ABCA1: variants seen among roughly 807,000 people sequenced by gnomAD.
ABCA1 encodes the protein phospholipid-transporting ATPase ABCA1.
In ABCA1, 133 loss-of-function variants were observed where a neutral mutation model predicts 262.5. The ratio of observed to expected loss-of-function variants is 0.51; its 90% CI spans 0.44 to 0.59. The LOEUF (loss-of-function observed/expected upper bound fraction) is 0.59. Ranked by LOEUF, ABCA1 falls within the 20% of genes least tolerant of loss-of-function variation. The pLI, the probability that ABCA1 is intolerant of heterozygous loss-of-function variation, is 0.00. For synonymous variants in ABCA1, 1,022 were observed against 1,043.5 expected (o/e 0.98, Z 0.40); for missense variants, 2,452 against 2,777.5 (o/e 0.88, Z 2.63).
chr9:104,894,450 G>T (rs1840030221), intron 2 of ABCA1, among the ~76,000 whole-genome samples: 1 of 152,186 alleles, frequency 6.6e-6, no homozygotes, highest in African/African-American at 2.4e-5. Context: ...AATTGATGAT[G>T]ATAATAATAA....
At chr9:104,888,098 G>A (rs1057138915) in intron 3 of ABCA1, among the ~76,000 whole-genome samples, 2 of 142,146 alleles carry the variant, frequency 1.4e-5, no homozygotes, top group African/African-American at 5.5e-5. Flanking sequence ...TGTTTAATAT[G>A]ACTATGTGTG....
chr9:104,914,021 G>C (rs901186772), intron 1 of ABCA1, among the ~76,000 whole-genome samples: 2 of 151,566 alleles, frequency 1.3e-5, no homozygotes, highest in African/African-American at 4.8e-5. Context: ...GGATGGTCTC[G>C]ATCTCCTGAC....
chr9:104,881,288 A>T (rs1273141775), intron 5 of ABCA1, among the ~76,000 whole-genome samples: 1 of 152,246 alleles, frequency 6.6e-6, no homozygotes, highest in Non-Finnish European at 1.5e-5. Flanking sequence ...AGGCAGAAGA[A>T]CAAGGCCAGG....
chr9:104,809,078 G>T (rs1485703571), intron 30 of ABCA1, among the ~76,000 whole-genome samples: 1 of 152,202 alleles, frequency 6.6e-6, no homozygotes, highest in Non-Finnish European at 1.5e-5. Flanking sequence ...GATTATAAAA[G>T]CGAAGAAGCT....
rs534719507 is a variant in ABCA1, at chr9:104,820,910, G to A, written c.2960+465C>T. ...TCTCCTAAAATCAAAGAACAACTAG[G>A]TCTCAAGGTGTTCACGGAGGTGAGC... On this transcript the variant is annotated intron_variant, in intron 20 of 49. Transcript: ENST00000374736. Among the ~76,000 whole-genome samples the A allele has an allele frequency of 3.7e-4, 56 of 152,232 alleles. 1 individual carries two copies. In the South Asian group the frequency reaches 0.011, roughly 30 times the overall value.
At chr9:104,882,318 G>C (rs1442159530) in intron 5 of ABCA1, among the ~76,000 whole-genome samples, 1 of 152,100 alleles carries the variant, frequency 6.6e-6, no homozygotes, top group Non-Finnish European at 1.5e-5. Flanking sequence ...CTTCATTATT[G>C]CTTCTACATT....
chr9:104,850,013 G>A (rs2119068116), intron 7 of ABCA1, among the ~76,000 whole-genome samples: 1 of 152,326 alleles, frequency 6.6e-6, no homozygotes, highest in Middle Eastern at 3.4e-3. Flanking sequence ...TGAAGAATGA[G>A]CTAGGGAAAC....
At position 104,861,705 on chromosome 9, in the gene ABCA1, G is replaced by A; in HGVS notation, c.517C>T (p.Leu173=). 6.2e-7 allele frequency: 1 copy of A among 1,614,132 alleles called. No homozygotes were observed. The highest frequency in any genetic ancestry group is 2.2e-5 in the East Asian group (1 of 44,870). Residue 173 remains leucine, a synonymous_variant, in exon 6 of 50, where the codon CTG becomes TTG. Coordinates refer to ENST00000374736, the MANE Select transcript of ABCA1 (RefSeq NM_005502.4). Reference sequence around the variant, plus strand: ...TTGTGGAGAATGACATCAGCCCTCAGCATCTTGTCCACAGTAGACTTTGGG... The same window carrying A: ...TTGTGGAGAATGACATCAGCCCTCAACATCTTGTCCACAGTAGACTTTGGG... ...SLPKSTVDKM[L]RADVILHKVF...
chr9:104,791,091 C>T (rs1322039131), intron 43 of ABCA1, 63 bp from the exon 44 acceptor site: 10 of 1,114,750 alleles, frequency 9.0e-6, no homozygotes, highest in African/African-American at 3.1e-5. Context: ...ATGCCCCTAA[C>T]ACGTAACTAC....
chr9:104,868,227 C>T (rs1445021897), intron 5 of ABCA1, among the ~76,000 whole-genome samples: 6 of 152,030 alleles, frequency 3.9e-5, no homozygotes, highest in South Asian at 2.1e-4. Flanking sequence ...GGTGTGGTGG[C>T]GCATGCCTGT....
intron 1 of ABCA1, among the ~76,000 whole-genome samples, chr9:104,924,749 T>C (rs1436625394): frequency 1.3e-5 from 2 of 152,228 alleles, no homozygotes; most frequent in African/African-American, 4.8e-5. Context: ...TCACTTATTC[T>C]AGCAGCTAAA....
At chr9:104,841,962 TCACA>T (rs1457561501) in intron 8 of ABCA1, among the ~76,000 whole-genome samples, 3 of 152,246 alleles carry the variant, frequency 2.0e-5, no homozygotes, top group African/African-American at 7.2e-5. Flanking sequence ...CACTGCGTGT[TCACA>T]CCGCCTGGGA....
intron 3 of ABCA1, among the ~76,000 whole-genome samples, chr9:104,887,517 G>T (rs1839285712): frequency 6.6e-6 from 1 of 152,074 alleles, no homozygotes. Context: ...TTGCCTGCTT[G>T]TAATCATTCC....
At chr9:104,906,669 G>A (rs570824228) in intron 1 of ABCA1, among the ~76,000 whole-genome samples, 7 of 151,216 alleles carry the variant, frequency 4.6e-5, no homozygotes, top group Admixed American at 2.0e-4. Flanking sequence ...GGCAATGCCC[G>A]GCCCCTTCTG....
In ABCA1 at chr9:104,800,544, A is replaced by T. The variant is rs1830241505; in HGVS notation, c.4739T>A (p.Phe1580Tyr). 1 of 1,614,044 alleles carries T rather than the reference A, an allele frequency of 6.2e-7. No individual in the cohort carries two copies. The highest frequency in any genetic ancestry group is 1.7e-5 in the Admixed American group (1 of 60,006). ...ADRFLNSLGR[F>Y]MTGLDTKNNV... Reference sequence around the variant, plus strand: ...ATTTTTGGTGTCCAGTCCTGTCATAAATCTTCCCAAGCTGTTGAGAAATCG... The same window carrying T: ...ATTTTTGGTGTCCAGTCCTGTCATATATCTTCCCAAGCTGTTGAGAAATCG... Residue 1580 changes from phenylalanine to tyrosine, a missense_variant, in exon 35 of 50, where the codon TTT becomes TAT. Around this residue, in one of 4 missense-constraint regions of ABCA1, gnomAD observed 752 missense variants for 944.5 expected, o/e 0.80. Transcript: ENST00000374736.
chr9:104,788,402 C>G lies in ABCA1; in HGVS notation c.6069+24G>C, dbSNP rs41422749. ...TTGTCAGGATGCCAAAGGAGACAGGCTGGCTTTCAGGTGCCCACAGTACCT... is the reference window on the plus strand; with the variant it reads ...TTGTCAGGATGCCAAAGGAGACAGGGTGGCTTTCAGGTGCCCACAGTACCT... On this transcript the variant is annotated intron_variant, in intron 45 of 49. Coordinates refer to ENST00000374736, the MANE Select transcript of ABCA1 (RefSeq NM_005502.4). The G allele has an allele frequency of 2.8e-3, 4,549 of 1,614,058 alleles. 101 individuals carry two copies. The African/African-American group carries it at 0.055, about 19-fold the overall frequency.
rs373580412 is a variant in ABCA1 at position 104,917,477 on chromosome 9, G to A, written c.-93+10458C>T. ...TTAGTACATTAAGGAGTAAGCGGCC[G>A]GGTGCGGCGGCTCACACCTGTGATT... On this transcript the variant is annotated intron_variant, in intron 1 of 49. Transcript: ENST00000374736. Among the ~76,000 whole-genome samples, 19 of 152,240 alleles carry A rather than the reference G, an allele frequency of 1.2e-4. No individual in the cohort carries two copies. In the South Asian group the frequency reaches 3.1e-3, roughly 25 times the overall value.
intron 24 of ABCA1, among the ~76,000 whole-genome samples, chr9:104,816,707 G>A (rs1030398214): frequency 6.6e-6 from 1 of 152,006 alleles, no homozygotes; most frequent in Non-Finnish European, 1.5e-5. Context: ...TATTGCCTAA[G>A]CTCTGGGATT....
intron 5 of ABCA1, among the ~76,000 whole-genome samples, chr9:104,876,263 A>C (rs1456953283): frequency 6.6e-6 from 1 of 152,234 alleles, no homozygotes; most frequent in Non-Finnish European, 1.5e-5. Flanking sequence ...GGGATGTAGC[A>C]GTGGACAAGA....
Sources: gnomAD v4.1 joint callset for allele counts (sites outside exome capture counted in the v4.1 genomes callset) on GRCh38, gnomAD v4.1.1 for gene constraint, gnomAD v4.1.1 regional missense constraint, MANE v1.5 for transcripts, NCBI Gene and HGNC (gene_info 2026-07-23, HGNC 2026-07-21) for gene names.